CEP44: variants seen among roughly 807,000 people sequenced by gnomAD.
CEP44 encodes the protein centrosomal protein of 44 kDa.
Under a neutral mutation model 46.7 loss-of-function variants are expected in CEP44, and 45 were observed. That is an observed-to-expected ratio of 0.96 (90% CI 0.76 to 1.24). The LOEUF (loss-of-function observed/expected upper bound fraction) is 1.24. Ranked by LOEUF, CEP44 falls within the 50% of genes most tolerant of loss-of-function variation. The pLI is 0.00. For missense variants in CEP44, 475 were observed against 459.7 expected (o/e 1.03, Z -0.30); for synonymous variants, 142 against 146.0 (o/e 0.97, Z 0.20).
Position 174,287,964 on chromosome 4 carries a change from G to C in CEP44, c.-148+4021G>C, listed in dbSNP as rs1487595182. 6.6e-6 allele frequency among the ~76,000 whole-genome samples: 1 copy of C among 152,108 alleles called. No individual in the cohort carries two copies. On this transcript the variant is annotated intron_variant, in intron 1 of 11. Coordinates refer to ENST00000503780, the MANE Select transcript of CEP44 (RefSeq NM_001040157.3). The surrounding 1 kb of genome is among the most constrained non-coding windows in gnomAD (Gnocchi z 5.1). Reference sequence around the variant, plus strand: ...TCTGTGTGTGAGAATGGAAAACTTTGGGTGAAAAGTGAAAACTTGGATTTT... The same window carrying C: ...TCTGTGTGTGAGAATGGAAAACTTTCGGTGAAAAGTGAAAACTTGGATTTT...
chr4:174,304,256 C>T lies in CEP44; in HGVS notation c.394C>T (p.Gln132Ter). Residue 132 changes from glutamine (Q) to a stop codon, truncating the protein, a stop_gained, in exon 6 of 12, where the codon CAA (glutamine) becomes TAA (stop). Transcript: ENST00000503780. LOFTEE classifies it high-confidence loss of function. ...ATACCTTTTTTTTTAGATTCCATCA[C>T]AACAAAGAAAGAAAATCAGTTCTGG... ...ELSSLQKIPS[Q>*]QRKKISSGKS... 6.3e-7 allele frequency: 1 copy of T among 1,590,350 alleles called. No homozygotes were observed. Among genetic ancestry groups the T allele is most frequent in the Non-Finnish European group, 8.5e-7 (1 of 1,173,612 alleles).
downstream of CEP44, among the ~76,000 whole-genome samples, chr4:174,324,131 G>C (rs1005723317): frequency 1.3e-5 from 2 of 152,132 alleles, no homozygotes; most frequent in Non-Finnish European, 2.9e-5. Context: ...TGTTGCTAGA[G>C]TTTTATATTA....
At chr4:174,284,192 C>T (rs966412467) in intron 1 of CEP44, 2 of 397,606 alleles carry the variant, frequency 5.0e-6, no homozygotes, top group African/African-American at 4.1e-5. Context: ...CGGAGGTCGC[C>T]TCTCTCCGCC....
chr4:174,304,307 G>T lies in CEP44; in HGVS notation c.445G>T (p.Glu149Ter). Residue 149 changes from glutamate to a stop codon, truncating the protein, a stop_gained, in exon 6 of 12, where the codon GAG becomes TAG. Coordinates refer to ENST00000503780, the MANE Select transcript of CEP44 (RefSeq NM_001040157.3). LOFTEE classifies it high-confidence loss of function. ...SGKSEPPLGN[E>*]KISAEAVGVD... is the part of the protein sequence containing the mutation. ...TAAGTCAGAACCTCCTTTGGGCAAT[G>T]AGAAAATATCTGCAGAGGCTGTTGG... The T allele has an allele frequency of 6.2e-7, 1 of 1,611,614 alleles. No individual in the cohort carries two copies. The highest frequency in any genetic ancestry group is 1.1e-5 in the South Asian group (1 of 90,282).
chr4:174,316,224 A>G lies in CEP44; in HGVS notation c.1020A>G (p.Thr340=), dbSNP rs1741695531. The G allele has an allele frequency of 6.2e-7, 1 of 1,613,704 alleles. No individual in the cohort carries two copies. ...TTCCTCTGTCCTCTGGCTATAGTAC[A>G]GCATCATCAGATTCAACTCCCAGAG... The part of the protein sequence containing the change: ...ASIPLSSGYS[T]ASSDSTPRAS... The change falls in exon 10 of 12, where the codon ACA becomes ACG. Residue 340 remains threonine (T), a synonymous_variant. Coordinates refer to ENST00000503780, the MANE Select transcript of CEP44 (RefSeq NM_001040157.3).
chr4:174,302,377 T>G (rs1739830393), intron 4 of CEP44, among the ~76,000 whole-genome samples, 191 bp downstream of exon 4: 1 of 152,194 alleles, frequency 6.6e-6, no homozygotes, highest in Admixed American at 6.5e-5. Context: ...GAATGTTACC[T>G]ATTCTAATAA....
In CEP44 at chr4:174,317,792, A is replaced by G; in HGVS notation, c.*409A>G. 2.0e-6 allele frequency: 2 copies of G among 985,564 alleles called. No individual in the cohort carries two copies. Among genetic ancestry groups the G allele is most frequent in the Non-Finnish European group, 2.4e-6 (2 of 829,870 alleles). The allele number at this position is 985,564 out of a possible 1,614,324, so 61.1% of individuals were successfully genotyped here. A position where few individuals can be genotyped will look rare whatever the true frequency, so the allele number is the denominator to read the frequency against. ...TATTATACCCAGGAGGCTCTCATAT[A>G]TACCATCTTGGCATCTGTACTGATG... On this transcript the variant is annotated 3_prime_UTR_variant, in exon 12 of 12. Transcript: ENST00000503780.
At chr4:174,285,373 G>A (rs7658307) in intron 1 of CEP44, 105,632 of 151,880 alleles carry the variant, frequency 0.7, 36,923 homozygotes, top group East Asian at 0.74. Context: ...TTTATTCTGT[G>A]ATAATCCCAA....
intron 1 of CEP44, among the ~76,000 whole-genome samples, chr4:174,295,452 T>C (rs1162385608): frequency 6.7e-6 from 1 of 149,000 alleles, no homozygotes; most frequent in Non-Finnish European, 1.5e-5. Context: ...GAGGCGCTCC[T>C]CACTTCCTAG....
intron 1 of CEP44, among the ~76,000 whole-genome samples, chr4:174,289,009 G>A (rs1737863698): frequency 6.6e-6 from 1 of 152,104 alleles, no homozygotes; most frequent in South Asian, 2.1e-4. Flanking sequence ...CTGCATCTGT[G>A]CAGATGCCCA....
At position 174,312,248 on chromosome 4, in the gene CEP44, T is replaced by C. The variant is rs1741165571; in HGVS notation, c.961+1390T>C. ...TTATAGAATATACCTTTAACCTATT[T>C]AGAAAACACATGGCTAAGTTTTTTT... is the stretch of plus-strand genomic sequence containing the variant. On this transcript the variant is annotated intron_variant, in intron 9 of 11. Coordinates refer to ENST00000503780, the MANE Select transcript of CEP44 (RefSeq NM_001040157.3). The surrounding 1 kb of genome is among the most constrained non-coding windows in gnomAD (Gnocchi z 4.5). Among the ~76,000 whole-genome samples the C allele has an allele frequency of 6.6e-6, 1 of 152,040 alleles. No homozygotes were observed. Among genetic ancestry groups the C allele is most frequent in the Non-Finnish European group, 1.5e-5 (1 of 68,002 alleles).
At chr4:174,294,833 G>A (rs567920984) in intron 1 of CEP44, among the ~76,000 whole-genome samples, 1 of 138,648 alleles carries the variant, frequency 7.2e-6, no homozygotes, top group Non-Finnish European at 1.6e-5. Flanking sequence ...TCCCGGACGG[G>A]ACGGCTGGCC....
At chr4:174,306,084 G>T (rs1206018955) in intron 6 of CEP44, among the ~76,000 whole-genome samples, 1 of 151,910 alleles carries the variant, frequency 6.6e-6, no homozygotes. Context: ...AAAGCAAATT[G>T]TCTCCTATCC....
intron 1 of CEP44, among the ~76,000 whole-genome samples, chr4:174,293,795 T>G (rs1039544391): frequency 3.3e-5 from 5 of 152,170 alleles, no homozygotes; most frequent in African/African-American, 1.2e-4. Context: ...CTTTGCTTGC[T>G]TCATTTCACT....
downstream of CEP44, among the ~76,000 whole-genome samples, chr4:174,323,714 A>G (rs545958656): frequency 2.6e-5 from 4 of 152,268 alleles, no homozygotes; most frequent in East Asian, 1.9e-4. Context: ...ATGGCTTTTC[A>G]TAGGATCCAC....
Position 174,331,654 on chromosome 4 carries a change from A to T in CEP44, c.*59A>T, listed in dbSNP as rs1731325338. The stretch of plus-strand genomic sequence containing the variant: ...CTGCTGTACTCTGATGTTTCAGTGA[A>T]GCTCATCCACGAAGTCCAGAATTCT... On this transcript the variant is annotated 3_prime_UTR_variant, in exon 9 of 9. Transcript: ENST00000426172. The surrounding 1 kb of genome is among the most constrained non-coding windows in gnomAD (Gnocchi z 4.5). 6.6e-7 allele frequency: 1 copy of T among 1,518,932 alleles called. No individual in the cohort carries two copies. The highest frequency in any genetic ancestry group is 2.0e-5 in the Admixed American group (1 of 49,330). The allele number at this position is 1,518,932 out of a possible 1,614,324, so 94.1% of individuals were successfully genotyped here.
At chr4:174,299,309 G>T in intron 3 of CEP44, 99 bp downstream of exon 3, 2 of 896,548 alleles carry the variant, frequency 2.2e-6, no homozygotes, top group East Asian at 2.7e-5. Context: ...ATTTTACCTG[G>T]TTCCTATTTA....
At chr4:174,328,727 C>T (rs1049908165) in intron 8 of CEP44, among the ~76,000 whole-genome samples, 3 of 152,034 alleles carry the variant, frequency 2.0e-5, no homozygotes, top group Non-Finnish European at 4.4e-5. Flanking sequence ...ATTTTTTAAC[C>T]ATAACACTTT....
chr4:174,333,310 C>G (rs4695923), exon 9 of CEP44: 38,025 of 145,152 alleles, frequency 0.26, 6,520 homozygotes, highest in Non-Finnish European at 0.38. Flanking sequence ...TACCTTTCCA[C>G]AGCTGGATTT....
Sources: gnomAD v4.1 joint callset for allele counts (sites outside exome capture counted in the v4.1 genomes callset) on GRCh38, gnomAD v4.1.1 for gene constraint, Gnocchi (gnomAD v3.1) non-coding constraint, MANE v1.5 for transcripts, NCBI Gene and HGNC (gene_info 2026-07-23, HGNC 2026-07-21) for gene names.